Variants in PDE3A observed in about 807,000 individuals in gnomAD.
The protein encoded by PDE3A is cGMP-inhibited 3',5'-cyclic phosphodiesterase 3A.
Under a neutral mutation model 98.3 loss-of-function variants are expected in PDE3A, and 43 were observed. The observed-to-expected ratio is 0.44, with a 90% CI of 0.34 to 0.56. The LOEUF is 0.56. Ranked by LOEUF, PDE3A falls within the 20% of genes least tolerant of loss-of-function variation. The pLI is 0.01. For synonymous variants in PDE3A, 663 were observed against 567.9 expected, an observed-to-expected ratio of 1.17 and a Z score of -2.38; for missense variants, 1,427 against 1,440.7, an observed-to-expected ratio of 0.99 and a Z score of 0.15.
intron 1 of PDE3A, among the ~76,000 whole-genome samples, chr12:20,477,716 T>C (rs1218885852): frequency 1.3e-5 from 2 of 152,202 alleles, no homozygotes; most frequent in African/African-American, 4.8e-5. Context: ...CGAAGAAAAC[T>C]AGAAAGATTT....
intron 1 of PDE3A, among the ~76,000 whole-genome samples, chr12:20,381,869 T>C (rs1943669813): frequency 1.3e-5 from 2 of 151,916 alleles, no homozygotes; most frequent in South Asian, 4.1e-4. Flanking sequence ...TCTTTTTTTC[T>C]AACTTCTCCC....
At chr12:20,418,709 G>A (rs1226859504) in intron 1 of PDE3A, among the ~76,000 whole-genome samples, 1 of 151,920 alleles carries the variant, frequency 6.6e-6, no homozygotes, top group Non-Finnish European at 1.5e-5. Flanking sequence ...TCTGAAATAA[G>A]AGCGTAAAAT....
intron 1 of PDE3A, among the ~76,000 whole-genome samples, chr12:20,532,191 T>A (rs941620167): frequency 3.9e-5 from 6 of 152,060 alleles, no homozygotes; most frequent in Non-Finnish European, 8.8e-5. Flanking sequence ...GAGCTATAAA[T>A]AAAAGGGATA....
chr12:20,499,674 T>C (rs1945986032), intron 1 of PDE3A, among the ~76,000 whole-genome samples: 1 of 152,182 alleles, frequency 6.6e-6, no homozygotes, highest in Admixed American at 6.5e-5. Flanking sequence ...TTTACATATA[T>C]TCAATTTTCT....
chr12:20,667,555 G>T (rs941758457), intron 15 of PDE3A, among the ~76,000 whole-genome samples: 1 of 152,018 alleles, frequency 6.6e-6, no homozygotes, highest in Non-Finnish European at 1.5e-5. Flanking sequence ...TATGTTCTTG[G>T]CACCTTTGTC....
rs191325679 is a variant in PDE3A, at chr12:20,456,202, G to A, written c.960+85958G>A. Reference sequence around the variant, plus strand: ...AGAGAGAATTGGAAGCATTTACTACGTTTTCCTTTAAATAAGTTTGCTGAG... The same window carrying A: ...AGAGAGAATTGGAAGCATTTACTACATTTTCCTTTAAATAAGTTTGCTGAG... On this transcript the variant is annotated intron_variant, in intron 1 of 15. Coordinates refer to ENST00000359062, the MANE Select transcript of PDE3A (RefSeq NM_000921.5). 4.6e-5 allele frequency among the ~76,000 whole-genome samples: 7 copies of A among 152,132 alleles called. No individual in the cohort carries two copies. The East Asian group carries it at 9.7e-4, about 21-fold the overall frequency.
chr12:20,621,785 AGT>A (rs150206989), intron 5 of PDE3A, among the ~76,000 whole-genome samples: 9 of 152,240 alleles, frequency 5.9e-5, no homozygotes, highest in African/African-American at 2.2e-4. Context: ...AATTCAAGAA[AGT>A]GTTTTATTTA....
chr12:20,437,707 G>A (rs910133483), intron 1 of PDE3A, among the ~76,000 whole-genome samples: 3 of 152,132 alleles, frequency 2.0e-5, no homozygotes, highest in African/African-American at 7.2e-5. Context: ...TGTCCCCCAT[G>A]ATCTCATCAC....
At chr12:20,422,214 C>G (rs188603295) in intron 1 of PDE3A, among the ~76,000 whole-genome samples, 1 of 151,876 alleles carries the variant, frequency 6.6e-6, no homozygotes, top group Non-Finnish European at 1.5e-5. Flanking sequence ...GGCATGGTGG[C>G]GGGCACCTGT....
chr12:20,560,862 C>T (rs1024799629), intron 2 of PDE3A, among the ~76,000 whole-genome samples: 14 of 152,182 alleles, frequency 9.2e-5, no homozygotes, highest in Admixed American at 9.2e-4. Flanking sequence ...AACCCACCCC[C>T]ACCCCTACCC....
chr12:20,399,046 A>G (rs1262062377), intron 1 of PDE3A, among the ~76,000 whole-genome samples: 1 of 152,092 alleles, frequency 6.6e-6, no homozygotes, highest in Non-Finnish European at 1.5e-5. Context: ...ACTATTCTTG[A>G]TATCTTATAT....
In PDE3A at chr12:20,552,025, T is replaced by TA; in HGVS notation, c.961-4634dup. 3 of 1,612,382 alleles carry TA rather than the reference T, an allele frequency of 1.9e-6. No individual in the cohort carries two copies. The highest frequency in any genetic ancestry group is 1.7e-6 in the Non-Finnish European group (2 of 1,179,878). Reference sequence around the variant, plus strand: ...GTACTCCCTAGTCCTGGCGGGGGGCTACGAGGATGACGTGGACCATGGGAA... The same window carrying TA: ...GTACTCCCTAGTCCTGGCGGGGGGCTAACGAGGATGACGTGGACCATGGGAA... On this transcript the variant is annotated intron_variant, in intron 1 of 15. Coordinates refer to ENST00000359062, the MANE Select transcript of PDE3A (RefSeq NM_000921.5). This position sits in a 1 kb window ranked among gnomAD's most constrained non-coding sequence, Gnocchi z 5.1.
At chr12:20,547,900 G>A (rs193292817) in intron 1 of PDE3A, among the ~76,000 whole-genome samples, 105 of 152,094 alleles carry the variant, frequency 6.9e-4, no homozygotes, top group Admixed American at 6.6e-3. Context: ...TCTCTGCTTG[G>A]ATAGAACCTT....
At chr12:20,471,941 G>A (rs1428349883) in intron 1 of PDE3A, among the ~76,000 whole-genome samples, 2 of 152,206 alleles carry the variant, frequency 1.3e-5, no homozygotes, top group East Asian at 3.9e-4. Flanking sequence ...TGGCATTGAC[G>A]CGATTGGTCA....
At chr12:20,393,487 GA>G (rs1420044000) in intron 1 of PDE3A, among the ~76,000 whole-genome samples, 1 of 151,930 alleles carries the variant, frequency 6.6e-6, no homozygotes, top group Non-Finnish European at 1.5e-5. Flanking sequence ...TTTGGGTGGG[GA>G]CACAGCCAAA....
At chr12:20,489,100 G>A (rs1452860979) in intron 1 of PDE3A, among the ~76,000 whole-genome samples, 1 of 152,194 alleles carries the variant, frequency 6.6e-6, no homozygotes, top group Non-Finnish European at 1.5e-5. Flanking sequence ...AACACACTCT[G>A]AATCTGAATT....
intron 1 of PDE3A, among the ~76,000 whole-genome samples, chr12:20,392,330 A>T (rs990132362): frequency 3.3e-5 from 5 of 151,912 alleles, no homozygotes; most frequent in Non-Finnish European, 5.9e-5. Context: ...ATATTAAAAC[A>T]ATTTGACAAA....
chr12:20,643,112 T>C (rs1380250750), intron 10 of PDE3A, among the ~76,000 whole-genome samples: 1 of 152,056 alleles, frequency 6.6e-6, no homozygotes, highest in African/African-American at 2.4e-5. Context: ...TGTATGCATG[T>C]GCGTCTATAT....
chr12:20,387,741 G>A (rs1565533304), intron 1 of PDE3A, among the ~76,000 whole-genome samples: 2 of 151,962 alleles, frequency 1.3e-5, no homozygotes, highest in Non-Finnish European at 2.9e-5. Context: ...TCTACATTGT[G>A]GTTAATTTCT....
Sources: allele counts gnomAD v4.1 joint callset (sites outside exome capture counted in the v4.1 genomes callset), GRCh38; gene constraint gnomAD v4.1.1; non-coding constraint Gnocchi (gnomAD v3.1); transcripts MANE v1.5; gene names NCBI Gene and HGNC (gene_info 2026-07-23, HGNC 2026-07-21).